Variants in ZMYM5 observed in about 807,000 individuals in gnomAD.
ZMYM5 encodes zinc finger MYM-type containing 5.
Under a neutral mutation model 61.8 loss-of-function variants are expected in ZMYM5, and 41 were observed. That is an observed-to-expected ratio of 0.66 (90% CI 0.52 to 0.86). The LOEUF is 0.86. Among genes scored for constraint, ZMYM5 ranks in the 40% least tolerant of loss-of-function variants. ZMYM5 has a pLI of 0.00. For missense variants in ZMYM5, 706 were observed against 786.7 expected (o/e 0.90, Z 1.23); for synonymous variants, 257 against 276.4 (o/e 0.93, Z 0.70).
chr13:19,831,804 A>AC (rs1483060368), intron 7 of ZMYM5, among the ~76,000 whole-genome samples: 19 of 150,724 alleles, frequency 1.3e-4, no homozygotes, highest in African/African-American at 4.1e-4. Context: ...AAAAAAAAAA[A>AC]AAAAAAAAAA....
intron 4 of ZMYM5, chr13:19,841,858 C>T (rs189948326): frequency 1.3e-5 from 2 of 152,076 alleles, no homozygotes; most frequent in Non-Finnish European, 2.9e-5. Flanking sequence ...GCTCTGCTGC[C>T]CAGGCTGGAG....
intron 1 of ZMYM5, among the ~76,000 whole-genome samples, chr13:19,862,910 AGG>A (rs1425015835): frequency 1.3e-5 from 2 of 152,234 alleles, no homozygotes; most frequent in Non-Finnish European, 2.9e-5. Context: ...AGTCGACGAC[AGG>A]GCCCCAGATC....
intron 2 of ZMYM5, among the ~76,000 whole-genome samples, chr13:19,853,222 G>A (rs1488265683): frequency 2.0e-5 from 3 of 152,182 alleles, no homozygotes; most frequent in Non-Finnish European, 4.4e-5. Flanking sequence ...TATGATGACA[G>A]AAATAATCTA....
intron 6 of ZMYM5, 59 bp from the exon 7 acceptor site, chr13:19,835,748 C>G (rs1007143161): frequency 5.7e-6 from 7 of 1,223,388 alleles, no homozygotes; most frequent in Non-Finnish European, 7.7e-6. Flanking sequence ...GCATAGCAAG[C>G]AATGAGATAA....
chr13:19,837,160 T>C (rs1013187281), intron 6 of ZMYM5, among the ~76,000 whole-genome samples: 1 of 151,942 alleles, frequency 6.6e-6, no homozygotes, highest in Non-Finnish European at 1.5e-5. Flanking sequence ...GCCTCCCAAG[T>C]AGCTTGCGCC....
chr13:19,859,636 T>G (rs572743544), intron 2 of ZMYM5, among the ~76,000 whole-genome samples: 4 of 151,916 alleles, frequency 2.6e-5, no homozygotes, highest in African/African-American at 9.6e-5. Flanking sequence ...CTCAATCTCC[T>G]GACCTCATGA....
chr13:19,837,412 T>A (rs781780186), intron 6 of ZMYM5: 1 of 1,496,536 alleles, frequency 6.7e-7, no homozygotes, highest in African/African-American at 1.5e-5. Context: ...CATAAAACAA[T>A]TGCCTTGTTT....
In ZMYM5 at chr13:19,824,228, C is replaced by T. The variant is rs1352216643; in HGVS notation, c.*249G>A. The T allele has an allele frequency of 1.2e-5, 2 of 165,894 alleles. No individual in the cohort carries two copies. The highest frequency in any genetic ancestry group is 4.8e-5 in the African/African-American group (2 of 41,608). 10.3% of individuals were successfully genotyped at this position (165,894 alleles called of 1,614,324 possible). A position where few individuals can be genotyped will look rare whatever the true frequency, so the allele number is the denominator to read the frequency against. On this transcript the variant is annotated 3_prime_UTR_variant, in exon 8 of 8. Coordinates refer to ENST00000337963, the MANE Select transcript of ZMYM5 (RefSeq NM_001142684.2). ...TAAATTGATAGATTTTGAAGATTAA[C>T]AATTACCTATTGTTAATCTTCATTG...
At chr13:19,837,432 A>G in intron 6 of ZMYM5, 1 of 1,538,694 alleles carries the variant, frequency 6.5e-7, no homozygotes, top group Non-Finnish European at 8.6e-7. Flanking sequence ...TATGAGCACA[A>G]CAATTCCATA....
chr13:19,847,233 G>A (rs1327635719), intron 4 of ZMYM5, among the ~76,000 whole-genome samples: 1 of 152,182 alleles, frequency 6.6e-6, no homozygotes, highest in Non-Finnish European at 1.5e-5. Context: ...ATAGGCATGA[G>A]CCACTGCGCC....
intron 4 of ZMYM5, among the ~76,000 whole-genome samples, chr13:19,842,874 C>T (rs924563130): frequency 5.1e-5 from 7 of 138,598 alleles, no homozygotes; most frequent in Admixed American, 1.7e-4. Flanking sequence ...GCAGCAGAAT[C>T]GCTTGAATCT....
chr13:19,860,430 TTGTG>T (rs760244753), intron 2 of ZMYM5, among the ~76,000 whole-genome samples: 2 of 133,596 alleles, frequency 1.5e-5, no homozygotes, highest in African/African-American at 5.5e-5. Context: ...CCGGCTAATT[TTGTG>T]TGTGTGTGTG....
chr13:19,851,069 T>C (rs1953274101), intron 4 of ZMYM5, among the ~76,000 whole-genome samples: 2 of 150,710 alleles, frequency 1.3e-5, no homozygotes, highest in South Asian at 2.1e-4. Flanking sequence ...ACTAGCCGAG[T>C]GTGGTGGCAG....
At position 19,824,117 on chromosome 13, in the gene ZMYM5, G is replaced by C. The variant is rs994850954; in HGVS notation, c.*360C>G. On this transcript the variant is annotated 3_prime_UTR_variant, in exon 8 of 8. Coordinates refer to ENST00000337963, the MANE Select transcript of ZMYM5 (RefSeq NM_001142684.2). The stretch of plus-strand genomic sequence containing the variant: ...GCCTCCCAAAGTTCTTGGATTACAG[G>C]CGTGAGCCATTGCGCCCGGCCAAGA... 6 of 153,382 alleles carry C rather than the reference G, an allele frequency of 3.9e-5. No individual in the cohort carries two copies. Among genetic ancestry groups the C allele is most frequent in the African/African-American group, 1.4e-4 (6 of 41,446 alleles). The allele number at this position is 153,382 out of a possible 1,614,324, so 9.5% of individuals were successfully genotyped here.
rs1252170720 is a variant in ZMYM5 at position 19,824,603 on chromosome 13, G to A, written c.1884C>T (p.His628=). 2.3e-6 allele frequency: 3 copies of A among 1,313,274 alleles called. No homozygotes were observed. Among genetic ancestry groups the A allele is most frequent in the Non-Finnish European group, 2.0e-6 (2 of 994,190 alleles). The allele number at this position is 1,313,274 out of a possible 1,614,324, so 81.4% of individuals were successfully genotyped here. A position where few individuals can be genotyped will look rare whatever the true frequency, so the allele number is the denominator to read the frequency against. The change falls in exon 8 of 8, where the codon CAC becomes CAT. Residue 628 remains histidine (H), a synonymous_variant. Coordinates refer to ENST00000337963, the MANE Select transcript of ZMYM5 (RefSeq NM_001142684.2). ...ILSKHEESEM[H]VNNSVKYSKL... ...TTGAGTACTTAACACTATTGTTGACGTGCATTTCACTTTCTTCATGTTTAC... is the reference window on the plus strand; with the variant it reads ...TTGAGTACTTAACACTATTGTTGACATGCATTTCACTTTCTTCATGTTTAC...
In ZMYM5 at chr13:19,852,171, AT is replaced by A. The variant is rs753224706; in HGVS notation, c.9del (p.Lys3AsnfsTer7). ...GTCAACTCTAATCCTCCCACTGAAC[AT>A]TTTTCCATGCCAATGAACCTGTAGA... ME[K>X]CSVGGLELTE... On this transcript the variant is annotated frameshift_variant, in exon 3 of 8. Coordinates refer to ENST00000337963, the MANE Select transcript of ZMYM5 (RefSeq NM_001142684.2). LOFTEE classifies it high-confidence loss of function. 2.5e-6 allele frequency: 4 copies of A among 1,592,812 alleles called. No individual in the cohort carries two copies. In the African/African-American group the frequency reaches 5.4e-5, roughly 21 times the overall value.
intron 4 of ZMYM5, among the ~76,000 whole-genome samples, chr13:19,850,589 A>G (rs9579716): frequency 0.098 from 14,931 of 152,084 alleles, 866 homozygotes; most frequent in African/African-American, 0.16. Context: ...CAAAAAGAGC[A>G]AAACTCTGTC....
intron 6 of ZMYM5, among the ~76,000 whole-genome samples, chr13:19,837,167 C>G (rs952606688): frequency 6.6e-6 from 1 of 151,768 alleles, no homozygotes; most frequent in African/African-American, 2.4e-5. Flanking sequence ...AAGTAGCTTG[C>G]GCCACCACAC....
At chr13:19,837,950 T>G in intron 5 of ZMYM5, 129 bp from the exon 6 acceptor site, 1 of 1,067,154 alleles carries the variant, frequency 9.4e-7, no homozygotes, top group South Asian at 1.7e-5. Context: ...AACTTTTAGA[T>G]GCAGCAAATC....
Sources: gnomAD v4.1 joint callset for allele counts (sites outside exome capture counted in the v4.1 genomes callset) on GRCh38, gnomAD v4.1.1 for gene constraint, MANE v1.5 for transcripts, NCBI Gene and HGNC (gene_info 2026-07-23, HGNC 2026-07-21) for gene names.